The following SERPINB5 variants were observed in gnomAD, a reference collection of about 807,000 sequenced individuals.
The protein encoded by SERPINB5 is serpin B5.
A neutral mutation model predicts 32.2 loss-of-function variants in SERPINB5; 27 were observed. The observed-to-expected ratio is 0.84, with a 90% confidence interval of 0.62 to 1.16. The LOEUF is 1.16. Ranked by LOEUF, SERPINB5 falls within the 50% of genes most tolerant of loss-of-function variation. The pLI is 0.00. For missense variants in SERPINB5, 388 were observed against 436.3 expected (o/e 0.89, Z 0.99); for synonymous variants, 154 against 157.4 (o/e 0.98, Z 0.16).
At chr18:63,481,622 G>C (rs1227719054) in intron 1 of SERPINB5, among the ~76,000 whole-genome samples, 2 of 152,188 alleles carry the variant, frequency 1.3e-5, no homozygotes, top group African/African-American at 2.4e-5. Context: ...TACATGTTGA[G>C]TTTTACTTGT....
chr18:63,484,741 C>CTTTTTTTTTTTTTTTGTT (rs1917178920), intron 2 of SERPINB5, 145 bp downstream of exon 2: 1 of 105,684 alleles, frequency 9.5e-6, no homozygotes, highest in Non-Finnish European at 1.7e-5. Flanking sequence ...CTCTCTTAAT[C>CTTTTTTTTTTTTTTTGTT]TTTTTTTTTT....
intron 5 of SERPINB5, chr18:63,496,957 A>T: frequency 2.2e-6 from 1 of 459,238 alleles, no homozygotes; most frequent in Non-Finnish European, 4.3e-6. Context: ...GAGCAGGGAG[A>T]GACCAAGGGC....
chr18:63,498,990 T>C lies in SERPINB5; in HGVS notation c.568-130T>C, dbSNP rs1909511015. 4 of 402,416 alleles carry C rather than the reference T, an allele frequency of 9.9e-6. No individual in the cohort carries two copies. Among genetic ancestry groups the C allele is most frequent in the Admixed American group, 9.2e-5 (2 of 21,780 alleles). The allele number at this position is 402,416 out of a possible 1,614,324, so 24.9% of individuals were successfully genotyped here. On this transcript the variant is annotated intron_variant, in intron 5 of 6. Transcript: ENST00000382771. This position sits in a 1 kb window ranked among gnomAD's most constrained non-coding sequence, Gnocchi z 4.2. ...ATATATAGGTGTAGGTATATATGTA[T>C]GTGTGTCTGTATATATACATGTGGG...
chr18:63,488,629 G>A (rs1023949082), intron 3 of SERPINB5, among the ~76,000 whole-genome samples: 1 of 152,098 alleles, frequency 6.6e-6, no homozygotes, highest in Admixed American at 6.5e-5. Flanking sequence ...AGTTCTTCAG[G>A]CCCTTTTAAC....
At chr18:63,501,629 A>C (rs185730532) in intron 6 of SERPINB5, among the ~76,000 whole-genome samples, 209 of 152,296 alleles carry the variant, frequency 1.4e-3, no homozygotes, top group African/African-American at 4.7e-3. Context: ...ACTGACTTCC[A>C]CAGTGGTTGA....
In SERPINB5 at chr18:63,503,604, C is replaced by G; in HGVS notation, c.1010C>G (p.Pro337Arg). Residue 337 changes from proline (P) to arginine (R), a missense_variant, in exon 7 of 7, where the codon CCA becomes CGA. Transcript: ENST00000382771. ...GATGGTGGGGATTCCATAGAGGTGCCAGGAGCACGGATCCTGCAGCACAAG... is the reference window on the plus strand; with the variant it reads ...GATGGTGGGGATTCCATAGAGGTGCGAGGAGCACGGATCCTGCAGCACAAG... The part of the protein sequence containing the change: ...TEDGGDSIEV[P>R]GARILQHKDE... The G allele has an allele frequency of 6.2e-7, 1 of 1,614,206 alleles. No homozygotes were observed. The highest frequency in any genetic ancestry group is 8.5e-7 in the Non-Finnish European group (1 of 1,180,030).
At chr18:63,500,164 C>A (rs1909541873) in intron 6 of SERPINB5, among the ~76,000 whole-genome samples, 2 of 151,762 alleles carry the variant, frequency 1.3e-5, no homozygotes, top group South Asian at 4.1e-4. Flanking sequence ...AACTCCTGGG[C>A]TCAAGTGATC....
At chr18:63,482,618 C>T (rs1206426402) in intron 1 of SERPINB5, among the ~76,000 whole-genome samples, 1 of 152,106 alleles carries the variant, frequency 6.6e-6, no homozygotes, top group Non-Finnish European at 1.5e-5. Context: ...TGGAGTCGAT[C>T]AGTAACTACC....
chr18:63,501,014 C>A (rs1395823696), intron 6 of SERPINB5, among the ~76,000 whole-genome samples: 2 of 151,650 alleles, frequency 1.3e-5, no homozygotes, highest in African/African-American at 2.4e-5. Context: ...TTTTCTTCTT[C>A]TTCTTCTTTT....
chr18:63,484,981 C>A (rs1221814203), intron 2 of SERPINB5, among the ~76,000 whole-genome samples: 1 of 152,008 alleles, frequency 6.6e-6, no homozygotes, highest in Admixed American at 6.6e-5. Flanking sequence ...TTCAGGTGAT[C>A]CGCCTGCCTC....
intron 6 of SERPINB5, among the ~76,000 whole-genome samples, chr18:63,502,835 A>G (rs1909597201): frequency 6.6e-6 from 1 of 152,120 alleles, no homozygotes; most frequent in African/African-American, 2.4e-5. Flanking sequence ...CTTGGCCAAC[A>G]TGATGAAACC....
Position 63,486,803 on chromosome 18 carries a change from C to T in SERPINB5, c.169-143C>T. The T allele has an allele frequency of 9.3e-6, 7 of 756,094 alleles. No individual in the cohort carries two copies. The South Asian group carries it at 1.3e-4, about 14-fold the overall frequency. The allele number at this position is 756,094 out of a possible 1,614,324, so 46.8% of individuals were successfully genotyped here. A position where few individuals can be genotyped will look rare whatever the true frequency, so the allele number is the denominator to read the frequency against. ...TCATCCAGCCTGAATGTCAATAGTG[C>T]TGAGGTTGAGGAGCCTTACTTTACG... On this transcript the variant is annotated intron_variant, in intron 2 of 6. Transcript: ENST00000382771.
At chr18:63,494,258 G>T (rs528110104) in intron 5 of SERPINB5, among the ~76,000 whole-genome samples, 2 of 139,960 alleles carry the variant, frequency 1.4e-5, no homozygotes, top group African/African-American at 5.2e-5. Context: ...GGAGGCAGAG[G>T]TTGCAGTGAG....
chr18:63,488,615 G>A (rs1200413818), intron 3 of SERPINB5, among the ~76,000 whole-genome samples: 1 of 152,088 alleles, frequency 6.6e-6, no homozygotes, highest in South Asian at 2.1e-4. Context: ...GTGTTAAAAG[G>A]GCAAGTTCTT....
At chr18:63,493,412 A>G in intron 5 of SERPINB5, 1 of 549,522 alleles carries the variant, frequency 1.8e-6, no homozygotes, top group Non-Finnish European at 3.2e-6. Context: ...AGAAAAGGAA[A>G]AGACCAAACT....
chr18:63,493,210 A>T, intron 5 of SERPINB5, 115 bp downstream of exon 5: 1 of 1,391,428 alleles, frequency 7.2e-7, no homozygotes, highest in Non-Finnish European at 1.0e-6. Context: ...ACGGCCGGCA[A>T]AGTGCCTTTC....
rs1382039092 is a variant in SERPINB5, at chr18:63,503,935, T to C, written c.*213T>C. On this transcript the variant is annotated 3_prime_UTR_variant, in exon 7 of 7. Transcript: ENST00000382771. ...TGTTTCCTTTTTTCCCATAAGACAA[T>C]GACATACGCTTTTAATGAAAAGGAA... 1.1e-5 allele frequency: 6 copies of C among 546,970 alleles called. No homozygotes were observed. The East Asian group carries it at 1.9e-4, about 17-fold the overall frequency. 33.9% of individuals were successfully genotyped at this position (546,970 alleles called of 1,614,324 possible).
At chr18:63,487,564 A>G (rs1015439252) in intron 3 of SERPINB5, among the ~76,000 whole-genome samples, 1 of 152,206 alleles carries the variant, frequency 6.6e-6, no homozygotes, top group Non-Finnish European at 1.5e-5. Flanking sequence ...AATAATAACT[A>G]TGAATTCACA....
chr18:63,487,182 T>TAGAA, intron 3 of SERPINB5, 99 bp downstream of exon 3: 4 of 1,171,912 alleles, frequency 3.4e-6, no homozygotes, highest in African/African-American at 1.5e-5. Flanking sequence ...AATTCCTTTC[T>TAGAA]AGGATGTTCA....
Sources: gnomAD v4.1 joint callset for allele counts (sites outside exome capture counted in the v4.1 genomes callset) on GRCh38, gnomAD v4.1.1 for gene constraint, Gnocchi (gnomAD v3.1) non-coding constraint, MANE v1.5 for transcripts, NCBI Gene and HGNC (gene_info 2026-07-23, HGNC 2026-07-21) for gene names.